SCN7A: variants seen among roughly 807,000 people sequenced by gnomAD.
SCN7A encodes the protein sodium channel protein type 7 subunit alpha.
SCN7A carries 138 observed loss-of-function variants against 155.2 expected under a neutral mutation model. The observed-to-expected ratio is 0.89, with a 90% CI of 0.77 to 1.02. SCN7A has a LOEUF of 1.02. SCN7A is among the 50% of genes least tolerant of loss of function. The pLI, the probability that SCN7A is intolerant of heterozygous loss-of-function variation, is 0.00. For missense variants in SCN7A, 2,058 were observed against 1,986.6 expected, an observed-to-expected ratio of 1.04 and a Z score of -0.68; for synonymous variants, 693 against 649.0, an observed-to-expected ratio of 1.07 and a Z score of -1.03.
intron 2 of SCN7A, among the ~76,000 whole-genome samples, chr2:166,484,189 T>C (rs910619629): frequency 2.6e-5 from 4 of 151,922 alleles, no homozygotes; most frequent in Non-Finnish European, 2.9e-5. Context: ...GTCATTCATA[T>C]AAAGAATATG....
rs1273873547 is a variant in SCN7A at position 166,456,906 on chromosome 2, A to T, written c.1254T>A (p.Thr418=). The change falls in exon 11 of 26, where the codon ACT becomes ACA. Residue 418 remains threonine, a synonymous_variant. Coordinates refer to ENST00000643258, the MANE Select transcript of SCN7A (RefSeq NM_002976.4). ...SKKIEPKFQQ[T]GKELQEGNET... ...CATTTCCTTCTTGAAGTTCTTTTCC[A>T]GTCTGTTGAAATTTTGGTTCAATCT... is the stretch of plus-strand genomic sequence containing the variant. The T allele has an allele frequency of 1.9e-6, 3 of 1,553,394 alleles. No individual in the cohort carries two copies. In the Admixed American group the frequency reaches 5.9e-5, roughly 30 times the overall value.
intron 2 of SCN7A, among the ~76,000 whole-genome samples, chr2:166,482,998 T>G (rs1326743250): frequency 1.3e-5 from 2 of 152,078 alleles, no homozygotes; most frequent in African/African-American, 4.8e-5. Context: ...CCATTAGACT[T>G]CTTTCTGAAA....
In SCN7A at chr2:166,444,778, A is replaced by G. The variant is rs1320984135; in HGVS notation, c.1610T>C (p.Leu537Pro). ...YPMSKQTNTLLNIGNLVFIGI... is the reference protein window; with the variant it reads ...YPMSKQTNTLPNIGNLVFIGI... ...GAGTCTTACCAGGTTTCCAATGTTG[A>G]GAAGAGTGTTAGTTTGTTTACTCAT... is the stretch of plus-strand genomic sequence containing the variant. The change falls in exon 13 of 26, where the codon CTC (leucine) becomes CCC (proline). Residue 537 changes from leucine (L) to proline (P), a missense_variant. Transcript: ENST00000643258. The G allele has an allele frequency of 6.3e-7, 1 of 1,578,960 alleles. No homozygotes were observed. Among genetic ancestry groups the G allele is most frequent in the Non-Finnish European group, 8.7e-7 (1 of 1,155,436 alleles).
intron 25 of SCN7A, among the ~76,000 whole-genome samples, chr2:166,407,900 T>C (rs1420125624): frequency 2.0e-5 from 3 of 151,918 alleles, no homozygotes; most frequent in Non-Finnish European, 4.4e-5. Flanking sequence ...AGCCCTGGTG[T>C]GTGTTGTTCC....
At chr2:166,441,850 A>G (rs1257183073) in intron 14 of SCN7A, 98 bp from the exon 15 acceptor site, 1 of 791,622 alleles carries the variant, frequency 1.3e-6, no homozygotes, top group Non-Finnish European at 2.0e-6. Context: ...ATACATATAT[A>G]GCCTTTAGAG....
At position 166,480,314 on chromosome 2, in the gene SCN7A, C is replaced by T. The variant is rs145137750; in HGVS notation, c.-14-2604G>A. Among the ~76,000 whole-genome samples, 647 of 152,072 alleles carry T rather than the reference C, an allele frequency of 4.3e-3. 7 individuals are homozygous for T. The highest frequency in any genetic ancestry group is 0.015 in the African/African-American group (617 of 41,520). On this transcript the variant is annotated intron_variant, in intron 2 of 25. Transcript: ENST00000643258. ...CTGCTAAAAATACAAAAACATTAGC[C>T]TGGCGTGGTGGCGGGCGCCTGTAGT...
At chr2:166,487,520 G>T (rs1703079404) in intron 1 of SCN7A, among the ~76,000 whole-genome samples, 1 of 152,100 alleles carries the variant, frequency 6.6e-6, no homozygotes, top group Non-Finnish European at 1.5e-5. Flanking sequence ...GGAGATGACT[G>T]CCCAGGCCAG....
Position 166,432,529 on chromosome 2 carries a change from G to T in SCN7A, c.2381C>A (p.Thr794Asn), listed in dbSNP as rs776097819. The change falls in exon 16 of 26, where the codon ACC (threonine) becomes AAC (asparagine). Residue 794 changes from threonine (T) to asparagine (N), a missense_variant. Transcript: ENST00000643258. Reference sequence around the variant, plus strand: ...TTGGGTGTTGCTCAATTCAGAAAGGGTATGGTCAGAAATATCTTCTTTAAC... The same window carrying T: ...TTGGGTGTTGCTCAATTCAGAAAGGTTATGGTCAGAAATATCTTCTTTAAC... ...VYVKEDISDH[T>N]LSELSNTQDF... is the part of the protein sequence containing the mutation. 1 of 1,613,566 alleles carries T rather than the reference G, an allele frequency of 6.2e-7. No homozygotes were observed.
At chr2:166,463,829 G>A (rs1180044934) in intron 9 of SCN7A, among the ~76,000 whole-genome samples, 1 of 152,096 alleles carries the variant, frequency 6.6e-6, no homozygotes, top group East Asian at 1.9e-4. Context: ...GCCACGGTGG[G>A]TGGATCGCTT....
chr2:166,473,822 C>G lies in SCN7A; in HGVS notation c.420G>C (p.Leu140Phe). 3 of 1,537,106 alleles carry G rather than the reference C, an allele frequency of 2.0e-6. No individual in the cohort carries two copies. Among genetic ancestry groups the G allele is most frequent in the Non-Finnish European group, 2.6e-6 (3 of 1,133,354 alleles). The change falls in exon 5 of 26, where the codon TTG (leucine) becomes TTC (phenylalanine). Residue 140 changes from leucine to phenylalanine, a missense_variant. Physicochemically the swap from Leu to Phe is conservative, Grantham distance 22. Coordinates refer to ENST00000643258, the MANE Select transcript of SCN7A (RefSeq NM_002976.4). ...IDCVFMSLTN[L>F]PKWRPVLENT... ...ACTCTAATACTGGTCTCCATTTTGG[C>G]AAATTAGTCAGGGACATGAATACGC...
chr2:166,443,770 GTCACTC>G (rs1702007344), intron 13 of SCN7A, 94 bp from the exon 14 acceptor site: 1 of 882,756 alleles, frequency 1.1e-6, no homozygotes, highest in African/African-American at 1.7e-5. Context: ...CTGTTTACTT[GTCACTC>G]TCACATTCTT....
chr2:166,421,900 A>G (rs1371229767), intron 19 of SCN7A, among the ~76,000 whole-genome samples: 1 of 152,162 alleles, frequency 6.6e-6, no homozygotes, highest in Non-Finnish European at 1.5e-5. Flanking sequence ...TAAAGCTAAT[A>G]TTAACTTTTA....
At chr2:166,414,577 T>A (rs1701319006) in intron 21 of SCN7A, 1 of 141,292 alleles carries the variant, frequency 7.1e-6, no homozygotes, top group African/African-American at 2.6e-5. Flanking sequence ...ATCTCCCACA[T>A]CCGGAAAAAA....
At chr2:166,412,424 C>T in intron 23 of SCN7A, 106 bp downstream of exon 23, 1 of 1,172,302 alleles carries the variant, frequency 8.5e-7, no homozygotes, top group East Asian at 3.4e-5. Context: ...ATAAAAATGA[C>T]ATTAAGCTGA....
In SCN7A at chr2:166,429,294, C is replaced by CA. The variant is rs1185447604; in HGVS notation, c.2593-21dup. On this transcript the variant is annotated intron_variant, in intron 16 of 25. Transcript: ENST00000643258. Reference sequence around the variant, plus strand: ...TATTTTCTAAAAGGTGAAGTCCCACCAAAAAAGTTGTGATTAAAGTTTCAT... The same window carrying CA: ...TATTTTCTAAAAGGTGAAGTCCCACCAAAAAAAGTTGTGATTAAAGTTTCAT... 6.3e-6 allele frequency: 9 copies of CA among 1,430,288 alleles called. No homozygotes were observed. Among genetic ancestry groups the CA allele is most frequent in the African/African-American group, 5.8e-5 (4 of 68,964 alleles). The allele number at this position is 1,430,288 out of a possible 1,614,324, so 88.6% of individuals were successfully genotyped here.
At chr2:166,452,898 C>T (rs1041636764) in intron 11 of SCN7A, among the ~76,000 whole-genome samples, 9 of 152,076 alleles carry the variant, frequency 5.9e-5, no homozygotes, top group South Asian at 2.1e-4. Flanking sequence ...ACTCAATAAA[C>T]ATTTTATGTG....
At chr2:166,410,053 A>G in intron 24 of SCN7A, 118 bp from the exon 25 acceptor site, 2 of 1,231,674 alleles carry the variant, frequency 1.6e-6, no homozygotes, top group Non-Finnish European at 1.1e-6. Context: ...GTGAACCTAA[A>G]TTTTTGCCAA....
intron 7 of SCN7A, among the ~76,000 whole-genome samples, chr2:166,468,402 A>G (rs1702583155): frequency 1.3e-5 from 2 of 152,072 alleles, no homozygotes. Flanking sequence ...ACCTAACCTG[A>G]CAATTCAAGT....
chr2:166,452,447 TAGTC>T (rs1342688514), intron 11 of SCN7A, among the ~76,000 whole-genome samples: 3 of 152,182 alleles, frequency 2.0e-5, no homozygotes, highest in African/African-American at 7.2e-5. Context: ...GATAATTTGA[TAGTC>T]TATCTATCCA....
Sources: gnomAD v4.1 joint callset for allele counts (sites outside exome capture counted in the v4.1 genomes callset) on GRCh38, gnomAD v4.1.1 for gene constraint, MANE v1.5 for transcripts, NCBI Gene and HGNC (gene_info 2026-07-23, HGNC 2026-07-21) for gene names.